ARHGAP6: variants seen among roughly 807,000 people sequenced by gnomAD.
The protein encoded by ARHGAP6 is rho GTPase-activating protein 6.
A neutral mutation model predicts 55.7 loss-of-function variants in ARHGAP6; 16 were observed. The observed-to-expected ratio is 0.29, with a 90% confidence interval of 0.19 to 0.44. The LOEUF (loss-of-function observed/expected upper bound fraction) is 0.44, where lower values mean the gene tolerates loss of function less well. Ranked by LOEUF, ARHGAP6 falls within the 20% of genes least tolerant of loss-of-function variation. The pLI, the probability that ARHGAP6 is intolerant of heterozygous loss-of-function variation, is 1.00. For synonymous variants in ARHGAP6, 382 were observed against 360.9 expected, an observed-to-expected ratio of 1.06 and a Z score of -0.66; for missense variants, 698 against 808.9, an observed-to-expected ratio of 0.86 and a Z score of 1.66.
chrX:11,310,881 T>C (rs1246100215), intron 1 of ARHGAP6, among the ~76,000 whole-genome samples: 2 of 112,044 alleles, frequency 1.8e-5, no homozygotes, highest in African/African-American at 6.5e-5. Context: ...CTCCCTTCTC[T>C]CCATGTCTAT....
Position 11,508,852 on chromosome X carries a change from TACAC to T in ARHGAP6, c.588+155385_588+155388del, listed in dbSNP as rs199575300. ...GCCTCATGCCTGAGCCAACTCATAC[TACAC>T]ACACACACACACACACACACACACA... is the stretch of plus-strand genomic sequence containing the variant. On this transcript the variant is annotated intron_variant, in intron 1 of 12. Coordinates refer to ENST00000337414, the MANE Select transcript of ARHGAP6 (RefSeq NM_013427.3). Among the ~76,000 whole-genome samples the T allele has an allele frequency of 1.3e-3, 135 of 101,969 alleles. 3 individuals are homozygous for T. The East Asian group carries it at 0.018, about 13-fold the overall frequency. 88.5% of individuals were successfully genotyped at this position (101,969 alleles called of 115,157 possible).
intron 1 of ARHGAP6, among the ~76,000 whole-genome samples, chrX:11,574,403 A>T (rs1488987233): frequency 1.8e-5 from 2 of 109,270 alleles, no homozygotes; most frequent in African/African-American, 6.6e-5. Context: ...CATCCCTGGG[A>T]TGCAAGGCTG....
At chrX:11,208,204 G>A (rs771399702) in intron 2 of ARHGAP6, among the ~76,000 whole-genome samples, 1 of 111,384 alleles carries the variant, frequency 9.0e-6, no homozygotes, top group Non-Finnish European at 1.9e-5. Flanking sequence ...CAGAAAATCA[G>A]CTGTGATTCA....
At chrX:11,377,272 A>G (rs2049212518) in intron 1 of ARHGAP6, among the ~76,000 whole-genome samples, 1 of 112,468 alleles carries the variant, frequency 8.9e-6, no homozygotes, top group Non-Finnish European at 1.9e-5. Context: ...GAACACAGAA[A>G]CGTGATGCTA....
At chrX:11,591,456 C>T (rs1470472321) in intron 1 of ARHGAP6, among the ~76,000 whole-genome samples, 1 of 107,233 alleles carries the variant, frequency 9.3e-6, no homozygotes, top group Non-Finnish European at 1.9e-5. Flanking sequence ...ATTAATATTC[C>T]AAAAAGTAGA....
intron 1 of ARHGAP6, among the ~76,000 whole-genome samples, chrX:11,357,086 C>T (rs370328099): frequency 4.5e-5 from 5 of 111,635 alleles, no homozygotes; most frequent in African/African-American, 1.6e-4. Flanking sequence ...CCTTTTCTTG[C>T]TGAGGAATTT....
At chrX:11,296,622 C>G (rs2048088804) in intron 1 of ARHGAP6, among the ~76,000 whole-genome samples, 1 of 111,824 alleles carries the variant, frequency 8.9e-6, no homozygotes, top group Admixed American at 9.5e-5. Context: ...AAACAGACCT[C>G]AAGTATATTC....
intron 1 of ARHGAP6, chrX:11,427,807 G>T: frequency 2.7e-6 from 2 of 727,735 alleles, no homozygotes; most frequent in Non-Finnish European, 3.2e-6. Flanking sequence ...CGCGAAGGGG[G>T]AGGGGGAAGA....
At chrX:11,196,178 A>AACAAAAC (rs1396523247) in intron 3 of ARHGAP6, among the ~76,000 whole-genome samples, 1 of 109,262 alleles carries the variant, frequency 9.2e-6, no homozygotes, top group African/African-American at 3.4e-5. Context: ...AACAAAACAA[A>AACAAAAC]AAAACTAATA....
intron 1 of ARHGAP6, among the ~76,000 whole-genome samples, chrX:11,354,321 C>CTATATATATA (rs1295985738): frequency 7.8e-5 from 5 of 64,397 alleles, no homozygotes; most frequent in Non-Finnish European, 1.1e-4. Context: ...CTCTCTCTCT[C>CTATATATATA]TCTCTCTATA....
intron 1 of ARHGAP6, among the ~76,000 whole-genome samples, chrX:11,556,599 A>G (rs1392342510): frequency 1.8e-5 from 2 of 112,267 alleles, no homozygotes; most frequent in African/African-American, 3.2e-5. Flanking sequence ...ATCTTCCATG[A>G]AGGTGAGGCT....
At chrX:11,648,302 T>C (rs1334222617) in intron 1 of ARHGAP6, among the ~76,000 whole-genome samples, 1 of 112,052 alleles carries the variant, frequency 8.9e-6, no homozygotes, top group Non-Finnish European at 1.9e-5. Context: ...AATTATAAGT[T>C]TTGTTAAAGT....
chrX:11,495,616 C>A (rs1276869567), intron 1 of ARHGAP6, among the ~76,000 whole-genome samples: 1 of 110,766 alleles, frequency 9.0e-6, no homozygotes, highest in African/African-American at 3.3e-5. Flanking sequence ...AACCATGCTC[C>A]AGGTTTATGT....
intron 1 of ARHGAP6, among the ~76,000 whole-genome samples, chrX:11,612,356 G>A (rs1019783209): frequency 1.8e-5 from 2 of 112,124 alleles, no homozygotes; most frequent in Non-Finnish European, 3.8e-5. Flanking sequence ...AGAAAAACCA[G>A]GTTGTCATTT....
At chrX:11,549,604 T>C (rs1335782851) in intron 1 of ARHGAP6, among the ~76,000 whole-genome samples, 2 of 111,977 alleles carry the variant, frequency 1.8e-5, no homozygotes, top group African/African-American at 6.5e-5. Context: ...CAGATTCTGA[T>C]TCAGTAGGCC....
intron 10 of ARHGAP6, among the ~76,000 whole-genome samples, chrX:11,153,393 C>G (rs2045815529): frequency 9.2e-6 from 1 of 108,450 alleles, no homozygotes; most frequent in Admixed American, 9.9e-5. Context: ...GGTGTGGTGG[C>G]ATGCACCTGT....
At chrX:11,366,094 C>T (rs1485000675) in intron 1 of ARHGAP6, among the ~76,000 whole-genome samples, 1 of 111,976 alleles carries the variant, frequency 8.9e-6, no homozygotes, top group African/African-American at 3.2e-5. Flanking sequence ...AACCTAATCA[C>T]TCCCCAAAGG....
At chrX:11,658,716 G>A (rs1453801773) in intron 1 of ARHGAP6, among the ~76,000 whole-genome samples, 1 of 103,995 alleles carries the variant, frequency 9.6e-6, no homozygotes, top group African/African-American at 3.5e-5. Flanking sequence ...TACTAGATAA[G>A]AAGAGGAAAA....
chrX:11,444,427 A>G (rs1483393289), intron 1 of ARHGAP6, among the ~76,000 whole-genome samples: 1 of 112,515 alleles, frequency 8.9e-6, no homozygotes, highest in Non-Finnish European at 1.9e-5. Flanking sequence ...TTGGTAAGAT[A>G]ATACTGAAGG....
Sources: gnomAD v4.1 joint callset for allele counts (sites outside exome capture counted in the v4.1 genomes callset) on GRCh38, gnomAD v4.1.1 for gene constraint, MANE v1.5 for transcripts, NCBI Gene and HGNC (gene_info 2026-07-23, HGNC 2026-07-21) for gene names.